The following RNF220 variants were observed in gnomAD, a reference collection of about 807,000 sequenced individuals.
The protein encoded by RNF220 is ring finger protein 220, also known as E3 ubiquitin-protein ligase RNF220.
In RNF220, 7 loss-of-function variants were observed where a neutral mutation model predicts 67.1. The observed-to-expected ratio is 0.10, with a 90% CI of 0.06 to 0.20. RNF220 has a LOEUF of 0.20. Among genes scored for constraint, RNF220 ranks in the 10% least tolerant of loss-of-function variants. RNF220 has a pLI of 1.00. For synonymous variants in RNF220, 270 were observed against 283.2 expected (o/e 0.95, Z 0.47); for missense variants, 565 against 740.3 (o/e 0.76, Z 2.75).
In RNF220 at chr1:44,646,066, A is replaced by G. The variant is rs117176919; in HGVS notation, c.1445+578A>G. Among the ~76,000 whole-genome samples, 224 of 152,308 alleles carry G rather than the reference A, an allele frequency of 1.5e-3. 4 individuals carry two copies. The East Asian group carries it at 0.04, about 27-fold the overall frequency. On this transcript the variant is annotated intron_variant, in intron 12 of 14. Coordinates refer to ENST00000361799, the MANE Select transcript of RNF220 (RefSeq NM_018150.4). ...ATCTTCCTGCCTTCCCAGAAGCCCA[A>G]GGAAGGCCAGTTCTGGCCTCAGGAG...
chr1:44,524,848 G>A (rs1660240876), intron 2 of RNF220, among the ~76,000 whole-genome samples: 1 of 152,216 alleles, frequency 6.6e-6, no homozygotes, highest in South Asian at 2.1e-4. Context: ...CTTGTCAGAG[G>A]TATTTAAGAC....
intron 2 of RNF220, among the ~76,000 whole-genome samples, chr1:44,520,265 G>A (rs917545948): frequency 6.6e-5 from 10 of 151,836 alleles, no homozygotes; most frequent in African/African-American, 1.5e-4. Flanking sequence ...GATCGAGACC[G>A]TCCTGGCTAA....
intron 2 of RNF220, among the ~76,000 whole-genome samples, chr1:44,481,342 C>CG (rs771169800): frequency 5.9e-4 from 90 of 152,250 alleles, no homozygotes; most frequent in Non-Finnish European, 7.9e-4. Context: ...GGGGGAATCA[C>CG]TTGAGCTCAG....
At chr1:44,634,449 A>G (rs143067569) in intron 6 of RNF220, among the ~76,000 whole-genome samples, 103 of 152,324 alleles carry the variant, frequency 6.8e-4, no homozygotes, top group Non-Finnish European at 8.7e-4. Context: ...ATTGTAACAT[A>G]GCAGCTCTCA....
intron 2 of RNF220, among the ~76,000 whole-genome samples, chr1:44,465,025 A>T (rs1364632550): frequency 6.6e-6 from 1 of 152,144 alleles, no homozygotes; most frequent in African/African-American, 2.4e-5. Flanking sequence ...TTACCTTTGA[A>T]TCTCCAGCAC....
chr1:44,612,294 T>C (rs1223486610), intron 2 of RNF220, among the ~76,000 whole-genome samples: 1 of 152,234 alleles, frequency 6.6e-6, no homozygotes, highest in Non-Finnish European at 1.5e-5. Flanking sequence ...GCATCTAGGC[T>C]ATGCCAGACC....
At chr1:44,620,982 C>T (rs994368919) in intron 3 of RNF220, among the ~76,000 whole-genome samples, 1 of 147,592 alleles carries the variant, frequency 6.8e-6, no homozygotes, top group African/African-American at 2.5e-5. Flanking sequence ...GTGGCGCAAT[C>T]TCGGCTCACT....
intron 2 of RNF220, among the ~76,000 whole-genome samples, chr1:44,459,690 C>T (rs974804929): frequency 6.6e-5 from 10 of 152,078 alleles, no homozygotes; most frequent in African/African-American, 2.4e-5. Flanking sequence ...ACTCTGGGAA[C>T]ACCACTGTGT....
At chr1:44,462,794 C>A (rs577237463) in intron 2 of RNF220, among the ~76,000 whole-genome samples, 1 of 135,022 alleles carries the variant, frequency 7.4e-6, no homozygotes, top group Non-Finnish European at 1.6e-5. Context: ...TTTGAGAGGC[C>A]GAGGTGGGCA....
At chr1:44,535,135 CTTTTTTTTTT>C (rs903715852) in intron 2 of RNF220, among the ~76,000 whole-genome samples, 1 of 103,010 alleles carries the variant, frequency 9.7e-6, no homozygotes, top group South Asian at 3.1e-4. Flanking sequence ...GCAGCTTCTT[CTTTTTTTTTT>C]TTTTTTTTTT....
chr1:44,426,740 AAG>A (rs1197716977), intron 2 of RNF220, among the ~76,000 whole-genome samples: 17 of 138,272 alleles, frequency 1.2e-4, no homozygotes, highest in Admixed American at 2.2e-4. Flanking sequence ...AAAAAAAAAA[AAG>A]AAAGAAAGAA....
intron 2 of RNF220, among the ~76,000 whole-genome samples, chr1:44,477,649 C>T (rs1013072028): frequency 3.9e-5 from 6 of 152,202 alleles, no homozygotes; most frequent in Non-Finnish European, 7.3e-5. Flanking sequence ...GGCCAGGAAC[C>T]TCTGCTCCTT....
At position 44,405,348 on chromosome 1, in the gene RNF220, C is replaced by T; in HGVS notation, c.-300C>T. 1.7e-6 allele frequency: 1 copy of T among 583,446 alleles called. No homozygotes were observed. Among genetic ancestry groups the T allele is most frequent in the Non-Finnish European group, 3.0e-6 (1 of 329,276 alleles). The allele number at this position is 583,446 out of a possible 1,614,324, so 36.1% of individuals were successfully genotyped here. A position where few individuals can be genotyped will look rare whatever the true frequency, so the allele number is the denominator to read the frequency against. ...TCTGTACATGCAATCCCAGGCAGCT[C>T]GCGAACACAAACCCGGGGCCAGCCG... On this transcript the variant is annotated 5_prime_UTR_variant, in exon 1 of 15. Coordinates refer to ENST00000361799, the MANE Select transcript of RNF220 (RefSeq NM_018150.4).
chr1:44,406,170 G>T (rs1277186767), intron 1 of RNF220, among the ~76,000 whole-genome samples: 1 of 152,232 alleles, frequency 6.6e-6, no homozygotes, highest in African/African-American at 2.4e-5. Context: ...TGGCTGTTTA[G>T]CCCTGGACCC....
Position 44,624,042 on chromosome 1 carries a change from G to A in RNF220, c.804+1255G>A, listed in dbSNP as rs564535815. On this transcript the variant is annotated intron_variant, in intron 4 of 14. Coordinates refer to ENST00000361799, the MANE Select transcript of RNF220 (RefSeq NM_018150.4). This position sits in a 1 kb window ranked among gnomAD's most constrained non-coding sequence, Gnocchi z 4.2. ...GTATAGGAATGGATCGTGTACCTTC[G>A]TTTAGAAAACTGCTCACCTGCAGCA... Among the ~76,000 whole-genome samples the A allele has an allele frequency of 2.6e-5, 4 of 152,202 alleles. No individual in the cohort carries two copies. The highest frequency in any genetic ancestry group is 5.9e-5 in the Non-Finnish European group (4 of 68,040).
chr1:44,586,979 T>C (rs1665744211), intron 2 of RNF220, among the ~76,000 whole-genome samples: 1 of 151,992 alleles, frequency 6.6e-6, no homozygotes, highest in African/African-American at 2.4e-5. Context: ...ATATATGAAA[T>C]ATTGTCCCCC....
chr1:44,620,630 T>C (rs955276998), intron 3 of RNF220, among the ~76,000 whole-genome samples: 11 of 152,236 alleles, frequency 7.2e-5, no homozygotes, highest in Non-Finnish European at 1.2e-4. Context: ...ATGGAACCTG[T>C]TGTAGCTAGC....
At chr1:44,505,920 G>A (rs757562181) in intron 2 of RNF220, among the ~76,000 whole-genome samples, 3 of 148,442 alleles carry the variant, frequency 2.0e-5, no homozygotes, top group African/African-American at 5.0e-5. Context: ...CCCAGTCTCC[G>A]CCCTACTCTG....
intron 2 of RNF220, among the ~76,000 whole-genome samples, chr1:44,485,737 G>A (rs980537637): frequency 1.3e-5 from 2 of 152,144 alleles, no homozygotes; most frequent in African/African-American, 2.4e-5. Context: ...GGTCTGCACC[G>A]TTTGCTTGTA....
Sources: allele counts gnomAD v4.1 joint callset (sites outside exome capture counted in the v4.1 genomes callset), GRCh38; gene constraint gnomAD v4.1.1; non-coding constraint Gnocchi (gnomAD v3.1); transcripts MANE v1.5; gene names NCBI Gene and HGNC (gene_info 2026-07-23, HGNC 2026-07-21).